The following ATXN1 variants were observed in gnomAD, a reference collection of about 807,000 sequenced individuals.
The protein encoded by ATXN1 is ataxin 1.
ATXN1 carries 8 observed loss-of-function variants against 56.4 expected under a neutral mutation model. That is an observed-to-expected ratio of 0.14 (90% CI 0.08 to 0.26). The LOEUF is 0.26. Among genes scored for constraint, ATXN1 ranks in the 10% least tolerant of loss-of-function variants. ATXN1 has a pLI of 1.00. For synonymous variants in ATXN1, 514 were observed against 494.6 expected (o/e 1.04, Z -0.52); for missense variants, 987 against 1,106.5 (o/e 0.89, Z 1.53).
chr6:16,522,182 C>A (rs1761306631), intron 5 of ATXN1, among the ~76,000 whole-genome samples: 1 of 152,140 alleles, frequency 6.6e-6, no homozygotes, highest in Middle Eastern at 3.2e-3. Flanking sequence ...CCCATCTGTA[C>A]ATAGGGCCTT....
At chr6:16,671,451 T>C (rs1024189264) in intron 2 of ATXN1, among the ~76,000 whole-genome samples, 5 of 152,074 alleles carry the variant, frequency 3.3e-5, no homozygotes, top group Non-Finnish European at 7.4e-5. Context: ...GCTAGGCAGA[T>C]GGGAATTTTG....
intron 6 of ATXN1, among the ~76,000 whole-genome samples, chr6:16,359,512 GC>G (rs752197593): frequency 6.6e-6 from 1 of 151,998 alleles, no homozygotes; most frequent in Non-Finnish European, 1.5e-5. Flanking sequence ...GAGATGACCT[GC>G]TGGCAGAGAG....
At chr6:16,688,062 G>C (rs529714000) in intron 2 of ATXN1, among the ~76,000 whole-genome samples, 28 of 152,286 alleles carry the variant, frequency 1.8e-4, no homozygotes, top group African/African-American at 5.5e-4. Context: ...ATAACCCCTG[G>C]TTGAGAACTT....
rs114512287 is a variant in ATXN1 at position 16,301,332 on chromosome 6, C to T, written c.*4997G>A. The T allele has an allele frequency of 9.0e-3, 1,378 of 152,560 alleles. 13 individuals carry two copies. Among genetic ancestry groups the T allele is most frequent in the Middle Eastern group, 0.024 (7 of 294 alleles). 9.5% of individuals were successfully genotyped at this position (152,560 alleles called of 1,614,324 possible). A position where few individuals can be genotyped will look rare whatever the true frequency, so the allele number is the denominator to read the frequency against. On this transcript the variant is annotated 3_prime_UTR_variant, in exon 8 of 8. Coordinates refer to ENST00000436367, the MANE Select transcript of ATXN1 (RefSeq NM_001128164.2). ...AAAGATCCTATCATCAGTAAGGTAA[C>T]GTATTTGAAGCGAGGTCATCTATGT...
chr6:16,685,093 T>C (rs1758890851), intron 2 of ATXN1, among the ~76,000 whole-genome samples: 1 of 152,042 alleles, frequency 6.6e-6, no homozygotes, highest in African/African-American at 2.4e-5. Flanking sequence ...CTCCAGAAAT[T>C]ACTTGTTACT....
chr6:16,580,517 G>A (rs999245887), intron 4 of ATXN1, among the ~76,000 whole-genome samples: 5 of 152,136 alleles, frequency 3.3e-5, no homozygotes, highest in African/African-American at 1.2e-4. Context: ...GTAGCAATAA[G>A]AAAGACAAAA....
In ATXN1 at chr6:16,539,067, A is replaced by G. The variant is rs116083256; in HGVS notation, c.-360-16379T>C. Among the ~76,000 whole-genome samples the G allele has an allele frequency of 3.9e-3, 594 of 152,332 alleles. 2 individuals are homozygous for G. Among genetic ancestry groups the G allele is most frequent in the Non-Finnish European group, 6.9e-3 (472 of 68,026 alleles). On this transcript the variant is annotated intron_variant, in intron 4 of 7. Coordinates refer to ENST00000436367, the MANE Select transcript of ATXN1 (RefSeq NM_001128164.2). ...CTGCCAACCCACTCTAAGTCTGTTC[A>G]TTTAGACTTCTACCCATTCCCATGC...
intron 6 of ATXN1, among the ~76,000 whole-genome samples, chr6:16,444,716 T>C (rs1428151508): frequency 6.6e-6 from 1 of 152,144 alleles, no homozygotes; most frequent in African/African-American, 2.4e-5. Context: ...TGCTAACAAA[T>C]GAACAAATAA....
intron 7 of ATXN1, among the ~76,000 whole-genome samples, chr6:16,308,708 C>A (rs887833809): frequency 4.6e-5 from 7 of 151,988 alleles, no homozygotes; most frequent in Non-Finnish European, 7.4e-5. Context: ...ATTACTTTCA[C>A]AATTTTGCAA....
rs551035687 is a variant in ATXN1, at chr6:16,486,767, G to A, written c.-298-658C>T. On this transcript the variant is annotated intron_variant, in intron 5 of 7. Transcript: ENST00000436367. ...GAGAAAGAGTGTAAGGTGGGCAGTA[G>A]GGCACATGCAGGAGCGTGGTTATTT... Among the ~76,000 whole-genome samples, 41 of 152,218 alleles carry A rather than the reference G, an allele frequency of 2.7e-4. No individual in the cohort carries two copies. The Middle Eastern group carries it at 0.01, about 38-fold the overall frequency.
intron 3 of ATXN1, among the ~76,000 whole-genome samples, chr6:16,594,527 G>A (rs113031060): frequency 0.086 from 12,893 of 149,924 alleles, 1,797 homozygotes; most frequent in African/African-American, 0.3. Context: ...TCTGTCGCCA[G>A]GCTGGAGTGC....
At chr6:16,360,332 C>G (rs1281684236) in intron 6 of ATXN1, among the ~76,000 whole-genome samples, 1 of 152,082 alleles carries the variant, frequency 6.6e-6, no homozygotes, top group Non-Finnish European at 1.5e-5. Context: ...ACAGATATAC[C>G]CAGTGACATC....
chr6:16,599,371 G>A (rs114255266), intron 3 of ATXN1, among the ~76,000 whole-genome samples: 2,490 of 151,986 alleles, frequency 0.016, 37 homozygotes, highest in Non-Finnish European at 0.028. Flanking sequence ...CTACTAAGAA[G>A]ATAAACCCTC....
Position 16,402,228 on chromosome 6 carries a change from G to A in ATXN1, c.-160-73758C>T, listed in dbSNP as rs1031516682. On this transcript the variant is annotated intron_variant, in intron 6 of 7. Transcript: ENST00000436367. ...ATGGCTGGAAAAAACAAGACTTCTC[G>A]CCAACCACTGACAGTTTTTTTTTTT... 5.1e-5 allele frequency among the ~76,000 whole-genome samples: 6 copies of A among 118,630 alleles called. No individual in the cohort carries two copies. In the East Asian group the frequency reaches 1.7e-3, roughly 33 times the overall value. The allele number at this position is 118,630 out of a possible 152,430, so 77.8% of individuals were successfully genotyped here.
At chr6:16,685,409 G>C (rs961652251) in intron 2 of ATXN1, among the ~76,000 whole-genome samples, 1 of 152,112 alleles carries the variant, frequency 6.6e-6, no homozygotes, top group African/African-American at 2.4e-5. Context: ...TGAGTAACTA[G>C]TGAGGGCATC....
In ATXN1 at chr6:16,674,164, T is replaced by A. The variant is rs139959144; in HGVS notation, c.-614-16263A>T. On this transcript the variant is annotated intron_variant, in intron 2 of 7. Coordinates refer to ENST00000436367, the MANE Select transcript of ATXN1 (RefSeq NM_001128164.2). ...CAAACTCAGAATTCAACCACAGGACTTTTTTTTAAAATGGCCCCACTATAC... is the reference window on the plus strand; with the variant it reads ...CAAACTCAGAATTCAACCACAGGACATTTTTTTAAAATGGCCCCACTATAC... 2.2e-3 allele frequency among the ~76,000 whole-genome samples: 336 copies of A among 151,872 alleles called. 1 individual carries two copies. Among genetic ancestry groups the A allele is most frequent in the African/African-American group, 7.6e-3 (314 of 41,402 alleles).
rs1760147983 is a variant in ATXN1 at position 16,302,971 on chromosome 6, C to T, written c.*3358G>A. 1 of 152,672 alleles carries T rather than the reference C, an allele frequency of 6.5e-6. No homozygotes were observed. Among genetic ancestry groups the T allele is most frequent in the African/African-American group, 2.4e-5 (1 of 41,460 alleles). The allele number at this position is 152,672 out of a possible 1,614,324, so 9.5% of individuals were successfully genotyped here. ...TCTGCAAACAGGAGGCTCCTGCCCT[C>T]TGTGCGTTCTTCCTATTTGAAGAGA... On this transcript the variant is annotated 3_prime_UTR_variant, in exon 8 of 8. Coordinates refer to ENST00000436367, the MANE Select transcript of ATXN1 (RefSeq NM_001128164.2).
chr6:16,512,619 TGAA>T (rs1281619517), intron 5 of ATXN1, among the ~76,000 whole-genome samples: 1 of 152,098 alleles, frequency 6.6e-6, no homozygotes, highest in African/African-American at 2.4e-5. Context: ...GGTTAAAAAG[TGAA>T]GAGAAATAGA....
intron 6 of ATXN1, among the ~76,000 whole-genome samples, chr6:16,386,043 T>C (rs577457935): frequency 2.0e-5 from 3 of 152,336 alleles, no homozygotes; most frequent in East Asian, 1.9e-4. Context: ...TAGGTAGAGA[T>C]AGATGCTTGG....
Sources: allele counts gnomAD v4.1 joint callset (sites outside exome capture counted in the v4.1 genomes callset), GRCh38; gene constraint gnomAD v4.1.1; transcripts MANE v1.5; gene names NCBI Gene and HGNC (gene_info 2026-07-23, HGNC 2026-07-21).